The following PDE1A variants were observed in gnomAD, a reference collection of about 807,000 sequenced individuals.
PDE1A encodes the protein dual specificity calcium/calmodulin-dependent 3',5'-cyclic nucleotide phosphodiesterase 1A.
PDE1A carries 35 observed loss-of-function variants against 61.7 expected under a neutral mutation model. The observed-to-expected ratio is 0.57, with a 90% CI of 0.43 to 0.75. The LOEUF (loss-of-function observed/expected upper bound fraction) is 0.75. PDE1A is among the 30% of genes least tolerant of loss of function. The pLI is 0.00. For synonymous variants in PDE1A, 232 were observed against 213.2 expected, an observed-to-expected ratio of 1.09 and a Z score of -0.77; for missense variants, 597 against 630.6, an observed-to-expected ratio of 0.95 and a Z score of 0.57.
intron 13 of PDE1A, chr2:182,185,681 G>A: frequency 1.3e-6 from 1 of 783,944 alleles, no homozygotes; most frequent in Non-Finnish European, 1.9e-6. Context: ...ACACAGATCT[G>A]CAGCCCATGT....
the PDE1A span, among the ~76,000 whole-genome samples, chr2:182,647,829 A>G: frequency 6.6e-6 from 1 of 152,216 alleles, no homozygotes; most frequent in African/African-American, 2.4e-5. Context: ...CAGTGAGCTG[A>G]TAAACAATTA....
chr2:182,313,088 C>A (rs1696097502), intron 1 of PDE1A, among the ~76,000 whole-genome samples: 1 of 152,156 alleles, frequency 6.6e-6, no homozygotes, highest in South Asian at 2.1e-4. Context: ...TATTATCTTG[C>A]TAAACGTACT....
chr2:182,660,066 A>G, the PDE1A span, among the ~76,000 whole-genome samples: 1 of 152,194 alleles, frequency 6.6e-6, no homozygotes, highest in Admixed American at 6.5e-5. Context: ...TGTGGCTTTG[A>G]ATATAACTGA....
chr2:182,195,970 T>C (rs1316439404), intron 10 of PDE1A, among the ~76,000 whole-genome samples: 1 of 152,114 alleles, frequency 6.6e-6, no homozygotes, highest in Non-Finnish European at 1.5e-5. Flanking sequence ...GTTCATTGCT[T>C]ATTTACCTCC....
intron 13 of PDE1A, among the ~76,000 whole-genome samples, chr2:182,182,226 G>A (rs148222447): frequency 2.0e-5 from 3 of 152,230 alleles, no homozygotes; most frequent in African/African-American, 7.2e-5. Flanking sequence ...CAAATAATGT[G>A]TAAGAAAACC....
At chr2:182,247,700 C>T (rs929476622) in intron 2 of PDE1A, among the ~76,000 whole-genome samples, 2 of 152,078 alleles carry the variant, frequency 1.3e-5, no homozygotes, top group East Asian at 1.9e-4. Context: ...TACTTTTTCA[C>T]CGGCAGATAA....
chr2:182,203,281 C>T (rs1180159694), intron 8 of PDE1A, among the ~76,000 whole-genome samples: 1 of 152,098 alleles, frequency 6.6e-6, no homozygotes, highest in Non-Finnish European at 1.5e-5. Flanking sequence ...GATTGCACCA[C>T]TGCACTCCAG....
chr2:182,341,112 C>T (rs1376947860), intron 1 of PDE1A, among the ~76,000 whole-genome samples: 1 of 152,162 alleles, frequency 6.6e-6, no homozygotes, highest in Non-Finnish European at 1.5e-5. Flanking sequence ...TATGTTACTC[C>T]TTCAAAGTAC....
At chr2:182,544,893 T>C in the PDE1A span, among the ~76,000 whole-genome samples, 1 of 152,190 alleles carries the variant, frequency 6.6e-6, no homozygotes, top group African/African-American at 2.4e-5. Context: ...GAGGTAAAAT[T>C]ACTGTAAAAG....
intron 2 of PDE1A, among the ~76,000 whole-genome samples, chr2:182,248,662 A>T (rs540512845): frequency 6.6e-6 from 1 of 152,208 alleles, no homozygotes. Flanking sequence ...TCTTACAATC[A>T]TATGTCAGTG....
chr2:182,276,572 T>C (rs1356856019), intron 1 of PDE1A, among the ~76,000 whole-genome samples: 2 of 152,026 alleles, frequency 1.3e-5, no homozygotes, highest in Non-Finnish European at 2.9e-5. Flanking sequence ...TACAAATTGA[T>C]TGTAAAACAT....
chr2:182,179,993 C>T (rs1684614714), intron 13 of PDE1A, among the ~76,000 whole-genome samples: 1 of 152,158 alleles, frequency 6.6e-6, no homozygotes. Flanking sequence ...AGCCCTGATG[C>T]TTAATTAATA....
chr2:182,673,952 T>TGTCATAGGTATA, the PDE1A span, among the ~76,000 whole-genome samples: 9 of 148,848 alleles, frequency 6.0e-5, no homozygotes, highest in East Asian at 1.8e-3. Context: ...ATAGTGATTC[T>TGTCATAGGTATA]TATAGAGTAC....
the PDE1A span, among the ~76,000 whole-genome samples, chr2:182,628,054 G>GCACA: frequency 0.01 from 1,517 of 150,766 alleles, 25 homozygotes; most frequent in African/African-American, 0.032. Context: ...GTGTATGTGT[G>GCACA]CACACACACA....
At chr2:182,395,749 G>A (rs1701668894) in intron 1 of PDE1A, among the ~76,000 whole-genome samples, 1 of 152,166 alleles carries the variant, frequency 6.6e-6, no homozygotes, top group South Asian at 2.1e-4. Context: ...ATGCTGTTTG[G>A]AGCCTTTGGA....
intron 2 of PDE1A, among the ~76,000 whole-genome samples, chr2:182,448,021 AC>A (rs1685254724): frequency 1.3e-5 from 2 of 152,008 alleles, no homozygotes; most frequent in African/African-American, 2.4e-5. Flanking sequence ...TTGTTTCACA[AC>A]CCTGGCGTTA....
At chr2:182,532,902 C>T in the PDE1A span, among the ~76,000 whole-genome samples, 7 of 126,030 alleles carry the variant, frequency 5.6e-5, no homozygotes, top group Non-Finnish European at 7.8e-5. Flanking sequence ...GTCAAGATCA[C>T]GCCACTGCAC....
chr2:182,297,439 A>G (rs1694960538), intron 1 of PDE1A, among the ~76,000 whole-genome samples: 1 of 152,222 alleles, frequency 6.6e-6, no homozygotes, highest in Non-Finnish European at 1.5e-5. Flanking sequence ...TCTGATCATT[A>G]AATTGGATTG....
chr2:182,494,926 T>G (rs1266582127), intron 2 of PDE1A, among the ~76,000 whole-genome samples: 1 of 152,148 alleles, frequency 6.6e-6, no homozygotes, highest in Non-Finnish European at 1.5e-5. Flanking sequence ...ATTCTTGGAT[T>G]TTTTTAGCTC....
Sources: allele counts gnomAD v4.1 joint callset (sites outside exome capture counted in the v4.1 genomes callset), GRCh38; gene constraint gnomAD v4.1.1; transcripts MANE v1.5; gene names NCBI Gene and HGNC (gene_info 2026-07-23, HGNC 2026-07-21).